CREB3L2: variants seen among roughly 807,000 people sequenced by gnomAD.
CREB3L2 encodes the protein cAMP responsive element binding protein 3 like 2.
In CREB3L2, 23 loss-of-function variants were observed where a neutral mutation model predicts 57.2. The ratio of observed to expected loss-of-function variants is 0.40; its 90% CI spans 0.29 to 0.57. The LOEUF is 0.57. Among genes scored for constraint, CREB3L2 ranks in the 20% least tolerant of loss-of-function variants. CREB3L2 has a pLI of 0.42. For missense variants in CREB3L2, 628 were observed against 634.7 expected, an observed-to-expected ratio of 0.99 and a Z score of 0.11; for synonymous variants, 268 against 265.1, an observed-to-expected ratio of 1.01 and a Z score of -0.11.
chr7:137,990,830 A>G (rs6467728), intron 1 of CREB3L2, among the ~76,000 whole-genome samples: 112,857 of 152,132 alleles, frequency 0.74, 42,191 homozygotes, highest in East Asian at 0.9. Flanking sequence ...CTATTCAGAC[A>G]TTTCCAAGAT....
intron 1 of CREB3L2, among the ~76,000 whole-genome samples, chr7:137,960,814 T>G (rs917210159): frequency 7.4e-6 from 1 of 135,618 alleles, no homozygotes; most frequent in Admixed American, 7.4e-5. Context: ...TATTTCTTTT[T>G]TTTTTTTTTT....
intron 1 of CREB3L2, among the ~76,000 whole-genome samples, chr7:137,938,247 G>C (rs1662903691): frequency 6.6e-6 from 1 of 152,178 alleles, no homozygotes; most frequent in Admixed American, 6.5e-5. Context: ...CAGTGGCGGA[G>C]GCTATGAATG....
chr7:137,901,691 C>T (rs1228357626), intron 7 of CREB3L2, among the ~76,000 whole-genome samples: 4 of 151,234 alleles, frequency 2.6e-5, no homozygotes, highest in Non-Finnish European at 4.4e-5. Context: ...CCATCCTGGC[C>T]GACATGGTGA....
chr7:137,994,208 C>T (rs1801946639), intron 1 of CREB3L2, among the ~76,000 whole-genome samples: 2 of 152,214 alleles, frequency 1.3e-5, no homozygotes, highest in Non-Finnish European at 2.9e-5. Context: ...CCAGCTAAGG[C>T]TTAAGGCTAT....
chr7:137,909,065 C>T (rs1304141013), intron 4 of CREB3L2, among the ~76,000 whole-genome samples: 1 of 152,126 alleles, frequency 6.6e-6, no homozygotes, highest in African/African-American at 2.4e-5. Context: ...ACACCACTGC[C>T]CTCCAGCCTG....
chr7:137,882,605 AG>A lies in CREB3L2; in HGVS notation c.1293del (p.Tyr432ThrfsTer76). The A allele has an allele frequency of 6.2e-7, 1 of 1,606,994 alleles. No homozygotes were observed. The highest frequency in any genetic ancestry group is 8.5e-7 in the Non-Finnish European group (1 of 1,175,106). ...TCCTCTGGGGGAGAATGTTCCTCGT[AG>A]ATCAGCAGGTTTCTGGATCTCACTG... ...ASVVRSRNLL[I>X]YEEHSPPEES... On this transcript the variant is annotated frameshift_variant, in exon 11 of 12. Coordinates refer to ENST00000330387, the MANE Select transcript of CREB3L2 (RefSeq NM_194071.4). LOFTEE classifies it high-confidence loss of function.
At chr7:137,962,848 G>A (rs995736777) in intron 1 of CREB3L2, among the ~76,000 whole-genome samples, 1 of 152,156 alleles carries the variant, frequency 6.6e-6, no homozygotes. Flanking sequence ...TGCTCTGTAT[G>A]TATATATCAA....
chr7:137,955,579 C>T (rs915786567), intron 1 of CREB3L2, among the ~76,000 whole-genome samples: 1 of 152,152 alleles, frequency 6.6e-6, no homozygotes, highest in Middle Eastern at 3.2e-3. Context: ...AATAATTTAA[C>T]AGGCACCCCT....
At chr7:137,962,594 T>C (rs768258142) in intron 1 of CREB3L2, among the ~76,000 whole-genome samples, 1 of 151,862 alleles carries the variant, frequency 6.6e-6, no homozygotes, top group Non-Finnish European at 1.5e-5. Context: ...TATCACAACA[T>C]CAGGCAGGAC....
chr7:137,880,491 C>T lies in CREB3L2; in HGVS notation c.1548G>A (p.Val516=). The T allele has an allele frequency of 6.2e-7, 1 of 1,613,564 alleles. No individual in the cohort carries two copies. The highest frequency in any genetic ancestry group is 8.5e-7 in the Non-Finnish European group (1 of 1,179,696). ...GGCAGCCTCTTTAGAAAGTGGTGTT[C>T]ACTCTTCTGTCGAGTTCTACAACTT... ...TLKVVELDRR[V]NTTF The change falls in exon 12 of 12, where the codon GTG becomes GTA. Residue 516 remains valine (V), a synonymous_variant. Transcript: ENST00000330387. The surrounding 1 kb of genome is among the most constrained non-coding windows in gnomAD (Gnocchi z 4.0).
Position 137,951,213 on chromosome 7 carries a change from C to A in CREB3L2, c.103-22847G>T, listed in dbSNP as rs1585652633. Among the ~76,000 whole-genome samples the A allele has an allele frequency of 2.0e-5, 3 of 152,252 alleles. No individual in the cohort carries two copies. In the East Asian group the frequency reaches 5.8e-4, roughly 29 times the overall value. ...TGACGTTGCTGTCTAAAACACCTCC[C>A]AAGCACAGTGCTGAAGTGCTATCTA... On this transcript the variant is annotated intron_variant, in intron 1 of 11. Coordinates refer to ENST00000330387, the MANE Select transcript of CREB3L2 (RefSeq NM_194071.4).
chr7:137,955,322 T>A, intron 1 of CREB3L2: 5 of 1,289,114 alleles, frequency 3.9e-6, no homozygotes, highest in Non-Finnish European at 4.0e-6. Context: ...TTGAAGCTGG[T>A]CGCATCCTGG....
intron 8 of CREB3L2, among the ~76,000 whole-genome samples, chr7:137,888,847 G>A (rs377252058): frequency 2.3e-4 from 35 of 152,156 alleles, no homozygotes; most frequent in Admixed American, 1.6e-3. Context: ...GCTGGTGGCC[G>A]CAAGGTGCTG....
chr7:137,925,581 G>A lies in CREB3L2; in HGVS notation c.319+2569C>T, dbSNP rs115393459. On this transcript the variant is annotated intron_variant, in intron 2 of 11. Transcript: ENST00000330387. ...TCTAACAGAGCACTTGGGTTTGGAA[G>A]GAATACTTGTGGATTGATTCCCCCA... Among the ~76,000 whole-genome samples the A allele has an allele frequency of 4.4e-3, 675 of 152,284 alleles. 4 individuals are homozygous for A. Among genetic ancestry groups the A allele is most frequent in the African/African-American group, 0.015 (630 of 41,544 alleles).
Position 137,879,940 on chromosome 7 carries a change from G to GAGACA in CREB3L2, c.*535_*536insTGTCT, listed in dbSNP as rs1307516059. 6.7e-4 allele frequency: 160 copies of GAGACA among 237,240 alleles called. No individual in the cohort carries two copies. Among genetic ancestry groups the GAGACA allele is most frequent in the African/African-American group, 3.3e-3 (151 of 45,408 alleles). 14.7% of individuals were successfully genotyped at this position (237,240 alleles called of 1,614,324 possible). On this transcript the variant is annotated 3_prime_UTR_variant, in exon 12 of 12. Coordinates refer to ENST00000330387, the MANE Select transcript of CREB3L2 (RefSeq NM_194071.4). Reference sequence around the variant, plus strand: ...GCCTGCCAGTGCTGCTGCAGGAGACGAGACGATCCAGCGAGGGCTCCCAGG... The same window carrying GAGACA: ...GCCTGCCAGTGCTGCTGCAGGAGACGAGACAAGACGATCCAGCGAGGGCTCCCAGG...
In CREB3L2 at chr7:137,953,448, C is replaced by G. The variant is rs762266803; in HGVS notation, c.103-25082G>C. 51 of 1,285,646 alleles carry G rather than the reference C, an allele frequency of 4.0e-5. 2 individuals are homozygous for G. In the South Asian group the frequency reaches 6.3e-4, roughly 16 times the overall value. 79.6% of individuals were successfully genotyped at this position (1,285,646 alleles called of 1,614,324 possible). A position where few individuals can be genotyped will look rare whatever the true frequency, so the allele number is the denominator to read the frequency against. ...GATGGATAAATAACAGTATCTGAGA[C>G]CTGCTGTTGGTGTATGTTAAATGTT... On this transcript the variant is annotated intron_variant, in intron 1 of 11. Transcript: ENST00000330387.
intron 1 of CREB3L2, among the ~76,000 whole-genome samples, chr7:137,977,519 C>CA (rs1563271708): frequency 6.6e-6 from 1 of 152,040 alleles, no homozygotes; most frequent in Non-Finnish European, 1.5e-5. Flanking sequence ...TAGCCATTTC[C>CA]AAAAAACCTT....
intron 2 of CREB3L2, among the ~76,000 whole-genome samples, chr7:137,924,730 C>A (rs1463626112): frequency 1.3e-5 from 2 of 151,792 alleles, no homozygotes; most frequent in African/African-American, 4.8e-5. Flanking sequence ...GCCTTAATCA[C>A]AGGGAGAAAT....
intron 3 of CREB3L2, 71 bp downstream of exon 3, chr7:137,915,766 C>G (rs1250477124): frequency 1.4e-6 from 2 of 1,397,516 alleles, no homozygotes; most frequent in Non-Finnish European, 2.0e-6. Flanking sequence ...GATTAAACAC[C>G]TTATTGGAGA....
Sources: allele counts gnomAD v4.1 joint callset (sites outside exome capture counted in the v4.1 genomes callset), GRCh38; gene constraint gnomAD v4.1.1; non-coding constraint Gnocchi (gnomAD v3.1); transcripts MANE v1.5; gene names NCBI Gene and HGNC (gene_info 2026-07-23, HGNC 2026-07-21).